STAT4: variants seen among roughly 807,000 people sequenced by gnomAD.
STAT4 encodes signal transducer and activator of transcription 4.
STAT4 carries 42 observed loss-of-function variants against 110.5 expected under a neutral mutation model. The observed-to-expected ratio is 0.38, with a 90% CI of 0.30 to 0.49. The LOEUF is 0.49. Among genes scored for constraint, STAT4 ranks in the 20% least tolerant of loss-of-function variants. The pLI is 0.95. For synonymous variants in STAT4, 284 were observed against 302.2 expected (o/e 0.94, Z 0.63); for missense variants, 632 against 887.9 (o/e 0.71, Z 3.66).
rs2125370135 is a variant in STAT4 at position 191,113,883 on chromosome 2, T to G, written c.273+32730A>C. ...AAGTGATTTATATAAAGAACATGTT[T>G]TCATATGTATCATTTTTGATATGCC... On this transcript the variant is annotated intron_variant, in intron 3 of 23. Coordinates refer to ENST00000392320, the MANE Select transcript of STAT4 (RefSeq NM_003151.4). This position sits in a 1 kb window ranked among gnomAD's most constrained non-coding sequence, Gnocchi z 4.8. Among the ~76,000 whole-genome samples, 1 of 152,302 alleles carries G rather than the reference T, an allele frequency of 6.6e-6. No individual in the cohort carries two copies. The highest frequency in any genetic ancestry group is 1.9e-4 in the East Asian group (1 of 5,186).
chr2:191,066,923 T>A lies in STAT4; in HGVS notation c.545-408A>T, dbSNP rs1697004004. Among the ~76,000 whole-genome samples the A allele has an allele frequency of 6.6e-6, 1 of 152,126 alleles. No homozygotes were observed. The highest frequency in any genetic ancestry group is 1.9e-4 in the East Asian group (1 of 5,194). ...TGATTAAATCATATTTGACTCTCTGTTGCCTTCACATACCCCTCCCTGCTC... is the reference window on the plus strand; with the variant it reads ...TGATTAAATCATATTTGACTCTCTGATGCCTTCACATACCCCTCCCTGCTC... On this transcript the variant is annotated intron_variant, in intron 6 of 23. Transcript: ENST00000392320. The surrounding 1 kb of genome is among the most constrained non-coding windows in gnomAD (Gnocchi z 4.3).
chr2:191,058,816 T>G lies in STAT4; in HGVS notation c.1035-47A>C. 1.7e-6 allele frequency: 2 copies of G among 1,206,026 alleles called. No homozygotes were observed. Among genetic ancestry groups the G allele is most frequent in the South Asian group, 1.4e-5 (1 of 71,626 alleles). 74.7% of individuals were successfully genotyped at this position (1,206,026 alleles called of 1,614,324 possible). ...AAAAATCAAAGATAAAAATTAAAAG[T>G]GTTTAAAAACCCTTTTTTATATTTA... On this transcript the variant is annotated intron_variant, in intron 10 of 23. Transcript: ENST00000392320. This position sits in a 1 kb window ranked among gnomAD's most constrained non-coding sequence, Gnocchi z 4.3.
intron 16 of STAT4, 78 bp from the exon 17 acceptor site, chr2:191,036,377 G>C: frequency 6.8e-7 from 1 of 1,466,102 alleles, no homozygotes; most frequent in Non-Finnish European, 9.3e-7. Flanking sequence ...GGCAAGAGAG[G>C]TCTCCCCCTC....
At chr2:191,074,255 G>C (rs1410154404) in intron 4 of STAT4, among the ~76,000 whole-genome samples, 1 of 152,146 alleles carries the variant, frequency 6.6e-6, no homozygotes, top group African/African-American at 2.4e-5. Context: ...TCTTAAGTTG[G>C]GTGGGGAGCC....
At chr2:191,148,725 T>A (rs1213154513) in intron 1 of STAT4, among the ~76,000 whole-genome samples, 1 of 152,222 alleles carries the variant, frequency 6.6e-6, no homozygotes, top group Non-Finnish European at 1.5e-5. Flanking sequence ...CAGCTTTATG[T>A]TCTTGACTTC....
At chr2:191,136,017 A>AAAAAC (rs1553516922) in intron 3 of STAT4, among the ~76,000 whole-genome samples, 1 of 127,768 alleles carries the variant, frequency 7.8e-6, no homozygotes, top group African/African-American at 2.9e-5. Flanking sequence ...AAAAAAAAAA[A>AAAAAC]AAAAACCAAA....
At chr2:191,063,055 G>T in intron 8 of STAT4, 135 bp from the exon 9 acceptor site, 1 of 755,326 alleles carries the variant, frequency 1.3e-6, no homozygotes, top group Non-Finnish European at 1.9e-6. Context: ...CACTTAATTT[G>T]ATTTAGGTTA....
rs761783205 is a variant in STAT4, at chr2:191,059,621, G to A, written c.1035-852C>T. 3.3e-5 allele frequency among the ~76,000 whole-genome samples: 5 copies of A among 152,202 alleles called. No individual in the cohort carries two copies. Among genetic ancestry groups the A allele is most frequent in the Non-Finnish European group, 5.9e-5 (4 of 68,048 alleles). ...GACTGCAGAAGGGAGAAACGTGGAC[G>A]TGGCTCTACATAAAAGGAGGGAGTC... On this transcript the variant is annotated intron_variant, in intron 10 of 23. Coordinates refer to ENST00000392320, the MANE Select transcript of STAT4 (RefSeq NM_003151.4). The surrounding 1 kb of genome is among the most constrained non-coding windows in gnomAD (Gnocchi z 4.7).
intron 3 of STAT4, among the ~76,000 whole-genome samples, chr2:191,079,421 G>A (rs1487961933): frequency 2.6e-5 from 4 of 151,724 alleles, no homozygotes; most frequent in Non-Finnish European, 5.9e-5. Flanking sequence ...TCTGTAGATG[G>A]TATTTTTTGA....
Position 191,148,098 on chromosome 2 carries a change from G to C in STAT4, c.106C>G (p.Gln36Glu). Residue 36 changes from glutamine to glutamate, a missense_variant, in exon 2 of 24, where the codon CAA becomes GAA. Around this residue, in one of 4 missense-constraint regions of STAT4, gnomAD observed 488 missense variants for 632.8 expected, o/e 0.77. Transcript: ENST00000392320. ...FPMEIRHLLA[Q>E]WIENQDWEAA... ...TACCAGTCTTGATTTTCAATCCATT[G>C]GGCCAACAGATGCCGAATTTCCATG... The C allele has an allele frequency of 6.2e-7, 1 of 1,613,736 alleles. No homozygotes were observed.
chr2:191,030,496 C>G lies in STAT4; in HGVS notation c.2220+476G>C, dbSNP rs1003645353. Reference sequence around the variant, plus strand: ...TATATTATTGATGAGGCTCCGGGTTCTAGAAATGCAAGTCACAATCAAGAA... The same window carrying G: ...TATATTATTGATGAGGCTCCGGGTTGTAGAAATGCAAGTCACAATCAAGAA... On this transcript the variant is annotated intron_variant, in intron 23 of 23. Coordinates refer to ENST00000392320, the MANE Select transcript of STAT4 (RefSeq NM_003151.4). The surrounding 1 kb of genome is among the most constrained non-coding windows in gnomAD (Gnocchi z 4.4). Among the ~76,000 whole-genome samples, 1 of 152,058 alleles carries G rather than the reference C, an allele frequency of 6.6e-6. No homozygotes were observed. The highest frequency in any genetic ancestry group is 6.5e-5 in the Admixed American group (1 of 15,268).
At chr2:191,089,051 A>G (rs554876895) in intron 3 of STAT4, among the ~76,000 whole-genome samples, 1 of 152,332 alleles carries the variant, frequency 6.6e-6, no homozygotes, top group Admixed American at 6.5e-5. Context: ...TAGATACAAC[A>G]CTAAAGGCAA....
Position 191,110,707 on chromosome 2 carries a change from A to C in STAT4, c.274-34382T>G, listed in dbSNP as rs1205248611. On this transcript the variant is annotated intron_variant, in intron 3 of 23. Transcript: ENST00000392320. The surrounding 1 kb of genome is among the most constrained non-coding windows in gnomAD (Gnocchi z 4.5). ...AAAATGCATGAATTTCAGTTGATAC[A>C]ACTGAAGTACCGTATCACTGAGTTT... 6.6e-6 allele frequency among the ~76,000 whole-genome samples: 1 copy of C among 152,194 alleles called. No homozygotes were observed. Among genetic ancestry groups the C allele is most frequent in the East Asian group, 1.9e-4 (1 of 5,198 alleles).
At chr2:191,047,300 C>T (rs1469126516) in intron 14 of STAT4, among the ~76,000 whole-genome samples, 1 of 152,102 alleles carries the variant, frequency 6.6e-6, no homozygotes, top group Admixed American at 6.6e-5. Context: ...GTGAAATGTT[C>T]CCCTGAGTTT....
chr2:191,106,270 C>T (rs540863451), intron 3 of STAT4, among the ~76,000 whole-genome samples: 2 of 151,914 alleles, frequency 1.3e-5, no homozygotes, highest in South Asian at 4.2e-4. Context: ...GCAAATAAAT[C>T]ACTAGGTACT....
intron 6 of STAT4, 44 bp downstream of exon 6, chr2:191,069,649 C>T (rs867050489): frequency 2.1e-6 from 3 of 1,444,564 alleles, no homozygotes; most frequent in Middle Eastern, 1.9e-4. Context: ...ACTCAAGATG[C>T]CTTTTTGTCT....
intron 13 of STAT4, among the ~76,000 whole-genome samples, chr2:191,057,581 C>CTTTTTTTTTTTT (rs56816363): frequency 3.3e-5 from 4 of 121,316 alleles, no homozygotes; most frequent in Admixed American, 8.9e-5. Flanking sequence ...AATTTCTTTT[C>CTTTTTTTTTTTT]TTTTTTTTTT....
At position 191,112,368 on chromosome 2, in the gene STAT4, A is replaced by T. The variant is rs909844723; in HGVS notation, c.273+34245T>A. On this transcript the variant is annotated intron_variant, in intron 3 of 23. Transcript: ENST00000392320. This position sits in a 1 kb window ranked among gnomAD's most constrained non-coding sequence, Gnocchi z 4.3. ...TTCCCTCATCTGTAAAATGGAAGAAATAACATTACATACCTGCCAGGACTG... is the reference window on the plus strand; with the variant it reads ...TTCCCTCATCTGTAAAATGGAAGAATTAACATTACATACCTGCCAGGACTG... 1.3e-5 allele frequency among the ~76,000 whole-genome samples: 2 copies of T among 152,200 alleles called. No homozygotes were observed. The highest frequency in any genetic ancestry group is 2.9e-5 in the Non-Finnish European group (2 of 68,036).
chr2:191,125,965 C>T (rs1486838525), intron 3 of STAT4, among the ~76,000 whole-genome samples: 1 of 152,152 alleles, frequency 6.6e-6, no homozygotes, highest in African/African-American at 2.4e-5. Flanking sequence ...AAAATGGATA[C>T]ATTTGAAGTT....
Sources: allele counts gnomAD v4.1 joint callset (sites outside exome capture counted in the v4.1 genomes callset), GRCh38; gene constraint gnomAD v4.1.1; regional missense constraint gnomAD v4.1.1; non-coding constraint Gnocchi (gnomAD v3.1); transcripts MANE v1.5; gene names NCBI Gene and HGNC (gene_info 2026-07-23, HGNC 2026-07-21).